Variants in PCSK6 observed in about 807,000 individuals in gnomAD.
The protein encoded by PCSK6 is paired basic amino acid cleaving enzyme 4.
A neutral mutation model predicts 123.3 loss-of-function variants in PCSK6; 85 were observed. That is an observed-to-expected ratio of 0.69 (90% CI 0.58 to 0.83). The LOEUF (loss-of-function observed/expected upper bound fraction) is 0.83. Among genes scored for constraint, PCSK6 ranks in the 40% least tolerant of loss-of-function variants. The probability of loss-of-function intolerance (pLI) is 0.00; values close to 1 mark genes in which losing one functional copy is unlikely to be tolerated. For missense variants in PCSK6, 1,191 were observed against 1,282.3 expected (o/e 0.93, Z 1.09); for synonymous variants, 508 against 516.0 (o/e 0.98, Z 0.21).
rs1025733329 is a variant in PCSK6, at chr15:101,472,282, C to T, written c.297+17092G>A. Among the ~76,000 whole-genome samples the T allele has an allele frequency of 1.2e-4, 18 of 152,216 alleles. 1 individual carries two copies. The highest frequency in any genetic ancestry group is 3.6e-4 in the African/African-American group (15 of 41,458). On this transcript the variant is annotated intron_variant, in intron 1 of 21. Transcript: ENST00000611716. ...GACGCAGAAATCAAACTGGGCTCAA[C>T]GTTAACACAGCTCCCTGAAGAGGCC... is the stretch of plus-strand genomic sequence containing the variant.
intron 13 of PCSK6, chr15:101,347,818 C>T: frequency 6.5e-7 from 1 of 1,546,308 alleles, no homozygotes; most frequent in Non-Finnish European, 8.9e-7. Context: ...TGGGCTGAAG[C>T]TTTATTGGGA....
intron 18 of PCSK6, among the ~76,000 whole-genome samples, chr15:101,319,299 A>G (rs1311457801): frequency 6.6e-6 from 1 of 152,150 alleles, no homozygotes; most frequent in Non-Finnish European, 1.5e-5. Context: ...CATGTTCTAG[A>G]TGGGTTTGCC....
chr15:101,379,651 G>A (rs1223770045), intron 11 of PCSK6, among the ~76,000 whole-genome samples: 4 of 152,240 alleles, frequency 2.6e-5, no homozygotes, highest in Admixed American at 2.0e-4. Flanking sequence ...ATGAGGCCAA[G>A]AGAGTAGACA....
At chr15:101,355,730 T>A (rs745539116) in intron 13 of PCSK6, among the ~76,000 whole-genome samples, 14 of 152,196 alleles carry the variant, frequency 9.2e-5, no homozygotes, top group Non-Finnish European at 1.6e-4. Flanking sequence ...GGCATGCCCA[T>A]GGGGGCCCCA....
chr15:101,331,008 C>T (rs1039404983), intron 15 of PCSK6, among the ~76,000 whole-genome samples: 10 of 152,182 alleles, frequency 6.6e-5, no homozygotes, highest in African/African-American at 1.4e-4. Context: ...ATCATTTAGC[C>T]GTAGTATTTA....
intron 1 of PCSK6, among the ~76,000 whole-genome samples, chr15:101,485,351 TA>T (rs1436521847): frequency 6.6e-6 from 1 of 152,238 alleles, no homozygotes; most frequent in Non-Finnish European, 1.5e-5. Flanking sequence ...GTATTTGTTA[TA>T]TATTGTAAAT....
chr15:101,343,094 A>T (rs2040655218), intron 13 of PCSK6, among the ~76,000 whole-genome samples: 1 of 152,168 alleles, frequency 6.6e-6, no homozygotes, highest in Non-Finnish European at 1.5e-5. Flanking sequence ...TTAATAGGAC[A>T]ATTTTAATTT....
chr15:101,399,412 TC>T (rs1306045674), intron 6 of PCSK6, among the ~76,000 whole-genome samples: 1 of 152,132 alleles, frequency 6.6e-6, no homozygotes, highest in Non-Finnish European at 1.5e-5. Context: ...CCAGCTCATC[TC>T]CATTTGGGTT....
chr15:101,390,281 C>T lies in PCSK6; in HGVS notation c.1210-717G>A, dbSNP rs796487324. ...ACCACTCAGGCTGACGTGTATCTCCCGTTGGACTCAAACGGGAAGTGGGTG... is the reference window on the plus strand; with the variant it reads ...ACCACTCAGGCTGACGTGTATCTCCTGTTGGACTCAAACGGGAAGTGGGTG... On this transcript the variant is annotated intron_variant, in intron 8 of 21. Coordinates refer to ENST00000611716, the MANE Select transcript of PCSK6 (RefSeq NM_002570.5). Among the ~76,000 whole-genome samples, 33 of 152,404 alleles carry T rather than the reference C, an allele frequency of 2.2e-4. 1 individual carries two copies. Among genetic ancestry groups the T allele is most frequent in the African/African-American group, 6.5e-4 (27 of 41,608 alleles).
chr15:101,333,846 C>T (rs1300980931), intron 13 of PCSK6, among the ~76,000 whole-genome samples: 5 of 152,156 alleles, frequency 3.3e-5, no homozygotes, highest in African/African-American at 4.8e-5. Flanking sequence ...TGGTGCGATT[C>T]GAAATGGCAT....
chr15:101,342,678 G>A (rs754192316), intron 13 of PCSK6, among the ~76,000 whole-genome samples: 7 of 152,202 alleles, frequency 4.6e-5, no homozygotes, highest in African/African-American at 7.2e-5. Context: ...GAGGCGGGTG[G>A]ATCATCTGAG....
At chr15:101,409,380 TC>T (rs2042873002) in intron 6 of PCSK6, among the ~76,000 whole-genome samples, 1 of 151,986 alleles carries the variant, frequency 6.6e-6, no homozygotes, top group Non-Finnish European at 1.5e-5. Context: ...GGTCAGGAGA[TC>T]GAGACCATCC....
At chr15:101,362,322 A>G (rs571078455) in intron 13 of PCSK6, among the ~76,000 whole-genome samples, 1 of 152,334 alleles carries the variant, frequency 6.6e-6, no homozygotes, top group Non-Finnish European at 1.5e-5. Flanking sequence ...AAGGTGCACA[A>G]GCTCAGAGCC....
At chr15:101,406,599 C>A (rs747978906) in intron 6 of PCSK6, among the ~76,000 whole-genome samples, 7 of 152,180 alleles carry the variant, frequency 4.6e-5, no homozygotes, top group Non-Finnish European at 1.0e-4. Context: ...AGAAATGCTA[C>A]AATCCTAAAA....
At chr15:101,469,091 A>G (rs999765049) in intron 1 of PCSK6, among the ~76,000 whole-genome samples, 1 of 152,154 alleles carries the variant, frequency 6.6e-6, no homozygotes, top group African/African-American at 2.4e-5. Flanking sequence ...AAATAGCGCT[A>G]TGAGAAACAC....
At chr15:101,425,048 A>G (rs1036914879) in intron 6 of PCSK6, among the ~76,000 whole-genome samples, 1 of 152,192 alleles carries the variant, frequency 6.6e-6, no homozygotes, top group African/African-American at 2.4e-5. Flanking sequence ...TAGGAGCCCC[A>G]GGGGTGGCAG....
chr15:101,400,326 C>T (rs1313391689), intron 6 of PCSK6, among the ~76,000 whole-genome samples: 2 of 152,230 alleles, frequency 1.3e-5, no homozygotes, highest in Non-Finnish European at 2.9e-5. Flanking sequence ...GGCTGCAGCT[C>T]CCTGCCATCA....
chr15:101,377,742 A>C (rs915895482), intron 11 of PCSK6, among the ~76,000 whole-genome samples: 3 of 152,254 alleles, frequency 2.0e-5, no homozygotes, highest in Non-Finnish European at 4.4e-5. Context: ...GAACATCTAT[A>C]AAAAGATTAT....
intron 15 of PCSK6, among the ~76,000 whole-genome samples, chr15:101,330,640 G>A (rs1452535590): frequency 6.6e-6 from 1 of 152,198 alleles, no homozygotes; most frequent in Non-Finnish European, 1.5e-5. Flanking sequence ...TTCCCATGGA[G>A]ACCCCCTCTC....
Sources: allele counts gnomAD v4.1 joint callset (sites outside exome capture counted in the v4.1 genomes callset), GRCh38; gene constraint gnomAD v4.1.1; transcripts MANE v1.5; gene names NCBI Gene and HGNC (gene_info 2026-07-23, HGNC 2026-07-21).